Variants in KLRG1 observed in about 807,000 individuals in gnomAD.
The protein encoded by KLRG1 is killer cell lectin-like receptor subfamily G member 1.
Under a neutral mutation model 21.8 loss-of-function variants are expected in KLRG1, and 16 were observed. The observed-to-expected ratio is 0.73, with a 90% confidence interval of 0.50 to 1.11. The LOEUF (loss-of-function observed/expected upper bound fraction) is 1.11, where lower values mean the gene tolerates loss of function less well. Ranked by LOEUF, KLRG1 falls within the 50% of genes most tolerant of loss-of-function variation. KLRG1 has a pLI of 0.00. For missense variants in KLRG1, 173 were observed against 218.3 expected (o/e 0.79, Z 1.31); for synonymous variants, 69 against 75.9 (o/e 0.91, Z 0.47).
At chr12:8,964,087 G>T (rs928911469) in intron 1 of KLRG1, among the ~76,000 whole-genome samples, 1 of 152,226 alleles carries the variant, frequency 6.6e-6, no homozygotes, top group South Asian at 2.1e-4. Context: ...GCTTTTGAAT[G>T]TGTTTGCTCT....
At chr12:9,014,947 A>G (rs750212105), downstream of KLRG1, among the ~76,000 whole-genome samples, 28 of 152,304 alleles carry the variant, frequency 1.8e-4, no homozygotes, top group African/African-American at 6.7e-4. Context: ...TCAGTTTAAA[A>G]TAATGGGTTA....
chr12:8,963,903 G>C (rs928839354), intron 1 of KLRG1, among the ~76,000 whole-genome samples: 3 of 151,988 alleles, frequency 2.0e-5, no homozygotes, highest in Non-Finnish European at 4.4e-5. Flanking sequence ...ATTTTTTATT[G>C]TGTCTATTTG....
the KLRG1 span, among the ~76,000 whole-genome samples, chr12:9,114,020 C>G: frequency 6.6e-6 from 1 of 152,170 alleles, no homozygotes; most frequent in South Asian, 2.1e-4. Context: ...ATGGTAAGCA[C>G]TCGCTTCCAC....
the KLRG1 span, chr12:9,127,778 G>A: frequency 5.3e-6 from 1 of 188,820 alleles, no homozygotes. Context: ...GAACATCCAC[G>A]ACCACTTGGT....
the KLRG1 span, chr12:9,090,395 G>A: frequency 2.9e-5 from 47 of 1,613,982 alleles, no homozygotes; most frequent in East Asian, 6.7e-5. Context: ...ACAGTTTGCC[G>A]CCCGTTTGCA....
intron 1 of KLRG1, among the ~76,000 whole-genome samples, chr12:8,951,488 A>C (rs1262017738): frequency 6.6e-6 from 1 of 152,252 alleles, no homozygotes; most frequent in Non-Finnish European, 1.5e-5. Flanking sequence ...TGTATGTATC[A>C]AATATTTTTC....
intron 1 of KLRG1, among the ~76,000 whole-genome samples, chr12:8,983,486 G>A (rs1434810944): frequency 1.4e-5 from 2 of 140,624 alleles, no homozygotes; most frequent in Non-Finnish European, 3.0e-5. Flanking sequence ...CTGCAACCTC[G>A]GCCTCCTGGG....
At chr12:8,974,964 A>G (rs1946634128) in intron 1 of KLRG1, among the ~76,000 whole-genome samples, 1 of 151,156 alleles carries the variant, frequency 6.6e-6, no homozygotes, top group Admixed American at 6.6e-5. Flanking sequence ...GGTGTGATCT[A>G]GGCTCACTGC....
intron 3 of KLRG1, among the ~76,000 whole-genome samples, chr12:9,001,952 C>T (rs1036891539): frequency 6.6e-5 from 10 of 151,994 alleles, no homozygotes; most frequent in Admixed American, 2.6e-4. Context: ...TTAAATTATT[C>T]CAGGTAATAA....
the KLRG1 span, chr12:9,181,062 G>A: frequency 1.9e-4 from 306 of 1,614,166 alleles, no homozygotes; most frequent in African/African-American, 1.9e-3. Flanking sequence ...GAGGGACTGC[G>A]GAGCAGCTGC....
chr12:8,992,783 C>T (rs1201323391), intron 2 of KLRG1, among the ~76,000 whole-genome samples: 1 of 151,984 alleles, frequency 6.6e-6, no homozygotes. Context: ...AGCCATTTGC[C>T]CTTCTTGGCC....
the KLRG1 span, chr12:9,201,101 A>C: frequency 2.5e-6 from 4 of 1,606,848 alleles, no homozygotes; most frequent in East Asian, 2.2e-5. Flanking sequence ...TCATTTAGTC[A>C]CAATAGTCCT....
chr12:9,149,468 G>A, the KLRG1 span: 3 of 1,280,538 alleles, frequency 2.3e-6, no homozygotes, highest in East Asian at 2.4e-5. Context: ...TGTCTCAGAT[G>A]TAGGAAAAGC....
At chr12:9,129,578 C>G in the KLRG1 span, among the ~76,000 whole-genome samples, 1 of 151,880 alleles carries the variant, frequency 6.6e-6, no homozygotes, top group Non-Finnish European at 1.5e-5. Context: ...CCATTTTACC[C>G]ATTTTTTTTT....
intron 1 of KLRG1, among the ~76,000 whole-genome samples, chr12:8,972,208 A>T: frequency 6.6e-6 from 1 of 152,106 alleles, no homozygotes; most frequent in East Asian, 1.9e-4. Context: ...CCCAGGCTAG[A>T]GTGCAGTGGC....
At chr12:9,127,766 C>T in the KLRG1 span, 1 of 176,026 alleles carries the variant, frequency 5.7e-6, no homozygotes, top group East Asian at 1.9e-4. Flanking sequence ...GATCACCACG[C>T]AGAACATCCA....
chr12:8,965,051 T>C (rs1592240254), intron 1 of KLRG1, among the ~76,000 whole-genome samples: 2 of 152,204 alleles, frequency 1.3e-5, no homozygotes, highest in East Asian at 3.8e-4. Context: ...TCAATAAATG[T>C]AATCCAATAT....
the KLRG1 span, chr12:9,200,358 A>T: frequency 6.3e-7 from 1 of 1,577,960 alleles, no homozygotes; most frequent in Non-Finnish European, 8.7e-7. Context: ...AAACAATGTA[A>T]CTCACTCTCC....
At chr12:8,979,635 C>T (rs12828902) in intron 1 of KLRG1, among the ~76,000 whole-genome samples, 57,373 of 151,928 alleles carry the variant, frequency 0.38, 11,512 homozygotes, top group South Asian at 0.44. Flanking sequence ...TCAATTATTA[C>T]TTTGTTACAT....
Sources: allele counts gnomAD v4.1 joint callset (sites outside exome capture counted in the v4.1 genomes callset), GRCh38; gene constraint gnomAD v4.1.1; transcripts MANE v1.5; gene names NCBI Gene and HGNC (gene_info 2026-07-23, HGNC 2026-07-21).